The following DDR2 variants were observed in gnomAD, a reference collection of about 807,000 sequenced individuals.
DDR2 encodes the protein discoidin domain receptor tyrosine kinase 2.
DDR2 carries 27 observed loss-of-function variants against 94.9 expected under a neutral mutation model. That is an observed-to-expected ratio of 0.28 (90% confidence interval 0.21 to 0.39). The LOEUF (loss-of-function observed/expected upper bound fraction) is 0.39. Among genes scored for constraint, DDR2 ranks in the 10% least tolerant of loss-of-function variants. DDR2 has a pLI of 1.00. For missense variants in DDR2, 783 were observed against 1,076.0 expected, an observed-to-expected ratio of 0.73 and a Z score of 3.81; for synonymous variants, 382 against 377.2, an observed-to-expected ratio of 1.01 and a Z score of -0.15.
At chr1:162,719,627 G>T (rs1661329052) in intron 3 of DDR2, among the ~76,000 whole-genome samples, 1 of 152,160 alleles carries the variant, frequency 6.6e-6, no homozygotes, top group Non-Finnish European at 1.5e-5. Flanking sequence ...GCTAAAAATA[G>T]ATAGGTTAGG....
rs188166290 is a variant in DDR2, at chr1:162,748,759, A to G, written c.83-4336A>G. Among the ~76,000 whole-genome samples the G allele has an allele frequency of 7.4e-3, 1,134 of 152,324 alleles. 9 individuals are homozygous for G. The highest frequency in any genetic ancestry group is 7.5e-3 in the Non-Finnish European group (511 of 68,028). On this transcript the variant is annotated intron_variant, in intron 3 of 17. Transcript: ENST00000367921. The stretch of plus-strand genomic sequence containing the variant: ...AAATTGACCACATAGTTGGAAGTAA[A>G]GCACTCCTCAGCAAATGTAAAAGAA...
intron 3 of DDR2, among the ~76,000 whole-genome samples, chr1:162,747,118 G>A (rs1294139703): frequency 6.6e-6 from 1 of 152,138 alleles, no homozygotes. Flanking sequence ...CTCCTCCAAA[G>A]GAACACAGCT....
chr1:162,778,430 C>A, intron 16 of DDR2, 150 bp from the exon 17 acceptor site: 3 of 924,498 alleles, frequency 3.2e-6, no homozygotes, highest in Non-Finnish European at 3.5e-6. Flanking sequence ...AAAGAATGGG[C>A]TGTTTCTAAA....
chr1:162,773,367 C>G, intron 13 of DDR2, 102 bp from the exon 14 acceptor site: 5 of 1,508,000 alleles, frequency 3.3e-6, no homozygotes, highest in Non-Finnish European at 4.6e-6. Flanking sequence ...ATCATTTTGC[C>G]TGAGTTGTAA....
At chr1:162,741,223 A>ATAATG (rs150491777) in intron 3 of DDR2, among the ~76,000 whole-genome samples, 4 of 138,476 alleles carry the variant, frequency 2.9e-5, no homozygotes, top group African/African-American at 1.1e-4. Context: ...ATAATATAAT[A>ATAATG]TAATATAATA....
intron 11 of DDR2, among the ~76,000 whole-genome samples, chr1:162,769,192 G>T (rs184675513): frequency 3.3e-5 from 5 of 152,274 alleles, no homozygotes; most frequent in Admixed American, 3.3e-4. Context: ...GTAAAAGGTA[G>T]AGCAAACATT....
chr1:162,675,766 T>A (rs897431274), intron 2 of DDR2, among the ~76,000 whole-genome samples: 1 of 152,194 alleles, frequency 6.6e-6, no homozygotes, highest in African/African-American at 2.4e-5. Context: ...CCTATTGGGT[T>A]GAGTTTTAGA....
intron 2 of DDR2, among the ~76,000 whole-genome samples, chr1:162,658,515 G>C (rs1383524461): frequency 6.6e-6 from 1 of 152,052 alleles, no homozygotes; most frequent in African/African-American, 2.4e-5. Context: ...GAGAGAGAGA[G>C]AGCCTAGCAG....
chr1:162,767,718 G>T (rs1214525364), intron 11 of DDR2, among the ~76,000 whole-genome samples: 1 of 151,992 alleles, frequency 6.6e-6, no homozygotes, highest in African/African-American at 2.4e-5. Flanking sequence ...CACATTCGAG[G>T]TTAAGAATTA....
At chr1:162,765,954 G>C (rs953193426) in intron 9 of DDR2, 47 bp from the exon 10 acceptor site, 2 of 1,580,166 alleles carry the variant, frequency 1.3e-6, no homozygotes, top group Non-Finnish European at 8.7e-7. Context: ...GAAAACACTA[G>C]CTGTCTGTCT....
At chr1:162,722,797 A>G (rs1661479937) in intron 3 of DDR2, among the ~76,000 whole-genome samples, 2 of 152,176 alleles carry the variant, frequency 1.3e-5, no homozygotes, top group Non-Finnish European at 2.9e-5. Flanking sequence ...GTTGGATTAG[A>G]TAATCTATGG....
intron 3 of DDR2, among the ~76,000 whole-genome samples, chr1:162,725,860 A>C (rs928782792): frequency 6.6e-6 from 1 of 152,252 alleles, no homozygotes; most frequent in Non-Finnish European, 1.5e-5. Context: ...CTATTATCAG[A>C]TGCTCAAAAG....
chr1:162,669,533 C>T (rs1035477882), intron 2 of DDR2, among the ~76,000 whole-genome samples: 11 of 152,066 alleles, frequency 7.2e-5, no homozygotes, highest in South Asian at 2.1e-4. Flanking sequence ...TATAAACATG[C>T]GTGTGTAGGT....
chr1:162,756,097 T>A (rs1663452520), intron 7 of DDR2, among the ~76,000 whole-genome samples: 1 of 152,168 alleles, frequency 6.6e-6, no homozygotes, highest in Admixed American at 6.6e-5. Context: ...ATTGACCTAC[T>A]TATGGAAACA....
At chr1:162,769,591 G>A (rs1260085821) in intron 11 of DDR2, among the ~76,000 whole-genome samples, 1 of 152,156 alleles carries the variant, frequency 6.6e-6, no homozygotes, top group Non-Finnish European at 1.5e-5. Flanking sequence ...TGTTGGAGTG[G>A]AGCATTTTAC....
At chr1:162,706,496 A>G (rs1170494322) in intron 2 of DDR2, among the ~76,000 whole-genome samples, 2 of 152,220 alleles carry the variant, frequency 1.3e-5, no homozygotes, top group Non-Finnish European at 2.9e-5. Context: ...CTCACAAGCC[A>G]TAAGCTCTTG....
chr1:162,663,348 T>C (rs952473949), intron 2 of DDR2, among the ~76,000 whole-genome samples: 7 of 152,202 alleles, frequency 4.6e-5, no homozygotes, highest in Non-Finnish European at 4.4e-5. Context: ...ACAGATTCCA[T>C]AGTGCTTAAT....
At chr1:162,659,479 G>T (rs1368068223) in intron 2 of DDR2, among the ~76,000 whole-genome samples, 3 of 152,130 alleles carry the variant, frequency 2.0e-5, no homozygotes, top group African/African-American at 4.8e-5. Flanking sequence ...GGTAGGAAAC[G>T]GCTGTCTACT....
intron 2 of DDR2, among the ~76,000 whole-genome samples, chr1:162,697,872 C>A (rs1660260580): frequency 6.6e-6 from 1 of 152,230 alleles, no homozygotes; most frequent in Non-Finnish European, 1.5e-5. Flanking sequence ...TAAAGCCAGG[C>A]ACCCTCATTC....
Sources: gnomAD v4.1 joint callset for allele counts (sites outside exome capture counted in the v4.1 genomes callset) on GRCh38, gnomAD v4.1.1 for gene constraint, MANE v1.5 for transcripts, NCBI Gene and HGNC (gene_info 2026-07-23, HGNC 2026-07-21) for gene names.